The following CPS1 variants were observed in gnomAD, a reference collection of about 807,000 sequenced individuals.
The protein encoded by CPS1 is carbamoyl-phosphate synthase 1.
In CPS1, 109 loss-of-function variants were observed where a neutral mutation model predicts 174.6. The observed-to-expected ratio is 0.62, with a 90% CI of 0.53 to 0.73. The LOEUF is 0.73. Among genes scored for constraint, CPS1 ranks in the 30% least tolerant of loss-of-function variants. The pLI is 0.00. For missense variants in CPS1, 1,689 were observed against 1,821.9 expected (o/e 0.93, Z 1.33); for synonymous variants, 637 against 632.0 (o/e 1.01, Z -0.12).
chr2:210,564,727 T>C (rs550979567), intron 1 of CPS1, among the ~76,000 whole-genome samples: 1 of 146,436 alleles, frequency 6.8e-6, no homozygotes, highest in Non-Finnish European at 1.5e-5. Flanking sequence ...ACTTGGTGGC[T>C]CACACCTGTA....
chr2:210,517,248 G>A (rs763245913), intron 1 of CPS1, among the ~76,000 whole-genome samples: 2 of 151,856 alleles, frequency 1.3e-5, no homozygotes, highest in Non-Finnish European at 1.5e-5. Context: ...GCAGTTAAAC[G>A]TTTAGTTGTA....
intron 2 of CPS1, among the ~76,000 whole-genome samples, chr2:210,574,639 C>G (rs1351100715): frequency 6.6e-6 from 1 of 152,026 alleles, no homozygotes; most frequent in Non-Finnish European, 1.5e-5. Context: ...TATAGATCAG[C>G]ATGATGGAGG....
rs144506682 is a variant in CPS1, at chr2:210,664,257, A to G, written c.4002+1060A>G. 8.5e-4 allele frequency among the ~76,000 whole-genome samples: 129 copies of G among 152,224 alleles called. No homozygotes were observed. In the East Asian group the frequency reaches 0.023, roughly 27 times the overall value. On this transcript the variant is annotated intron_variant, in intron 33 of 37. Transcript: ENST00000233072. Reference sequence around the variant, plus strand: ...TCTTCTTGATCCCATGGTCGCTACTACTAGTAATGCTGATTTTAGATGGCC... The same window carrying G: ...TCTTCTTGATCCCATGGTCGCTACTGCTAGTAATGCTGATTTTAGATGGCC...
chr2:210,578,990 A>C (rs796872289), intron 4 of CPS1, among the ~76,000 whole-genome samples: 1 of 152,180 alleles, frequency 6.6e-6, no homozygotes, highest in Non-Finnish European at 1.5e-5. Flanking sequence ...CATGTAGAGT[A>C]GAAAAGAATC....
intron 1 of CPS1, among the ~76,000 whole-genome samples, chr2:210,532,686 G>A (rs62203712): frequency 0.1 from 15,505 of 151,922 alleles, 964 homozygotes; most frequent in East Asian, 0.24. Context: ...CACTAGTTTC[G>A]AAAACATTGG....
At position 210,568,418 on chromosome 2, in the gene CPS1, A is replaced by G. The variant is rs1296895792; in HGVS notation, c.127-4880A>G. Among the ~76,000 whole-genome samples, 4 of 152,242 alleles carry G rather than the reference A, an allele frequency of 2.6e-5. No individual in the cohort carries two copies. The East Asian group carries it at 7.7e-4, about 29-fold the overall frequency. On this transcript the variant is annotated intron_variant, in intron 1 of 37. Transcript: ENST00000233072. ...CTTAACTATATTTCATAGGACAGGT[A>G]GAAGTAAGGAGAGACTGGAGGCAGG...
chr2:210,661,037 T>C (rs1360851849), intron 32 of CPS1, among the ~76,000 whole-genome samples: 1 of 152,190 alleles, frequency 6.6e-6, no homozygotes, highest in African/African-American at 2.4e-5. Context: ...GGTTAGCCTG[T>C]GGGGTTGATT....
intron 1 of CPS1, among the ~76,000 whole-genome samples, chr2:210,503,701 C>T (rs1398227102): frequency 6.6e-6 from 1 of 152,138 alleles, no homozygotes; most frequent in African/African-American, 2.4e-5. Context: ...TGAACACATT[C>T]AGGTTACAAT....
intron 33 of CPS1, among the ~76,000 whole-genome samples, chr2:210,664,500 C>T (rs142220703): frequency 0.025 from 3,859 of 151,986 alleles, 88 homozygotes; most frequent in Admixed American, 0.045. Context: ...CCACCACGCC[C>T]GGCTAATTTT....
upstream of CPS1, chr2:210,555,583 G>C (rs1696887386): frequency 3.3e-5 from 15 of 454,814 alleles, no homozygotes; most frequent in South Asian, 2.2e-4. Flanking sequence ...CTCTAGCACT[G>C]ATTCTATGTT....
intron 32 of CPS1, 135 bp from the exon 33 acceptor site, chr2:210,662,988 A>G (rs1416924003): frequency 3.5e-6 from 3 of 854,736 alleles, no homozygotes; most frequent in Middle Eastern, 2.4e-4. Flanking sequence ...CTTGGACCCA[A>G]GAGATTTTTT....
At chr2:210,530,063 T>TGGTA (rs1424460473) in intron 1 of CPS1, among the ~76,000 whole-genome samples, 2 of 152,042 alleles carry the variant, frequency 1.3e-5, no homozygotes, top group Non-Finnish European at 2.9e-5. Flanking sequence ...TATAATATCT[T>TGGTA]GGTAAGGGTT....
chr2:210,629,996 C>G (rs1046943590), intron 21 of CPS1, among the ~76,000 whole-genome samples: 1 of 151,368 alleles, frequency 6.6e-6, no homozygotes, highest in Non-Finnish European at 1.5e-5. Flanking sequence ...TGGTGTGAAC[C>G]TGGGAGGCGG....
intron 29 of CPS1, among the ~76,000 whole-genome samples, chr2:210,654,697 T>C (rs1438120579): frequency 6.6e-6 from 1 of 152,222 alleles, no homozygotes. Flanking sequence ...ATTTGTGACT[T>C]CTCTTAAAAT....
intron 1 of CPS1, among the ~76,000 whole-genome samples, chr2:210,493,381 T>C (rs1050465773): frequency 6.6e-6 from 1 of 152,228 alleles, no homozygotes; most frequent in Non-Finnish European, 1.5e-5. Context: ...TATAAAGTAA[T>C]ACAATTTTTC....
At chr2:210,554,192 CAT>C (rs35834191), upstream of CPS1, among the ~76,000 whole-genome samples, 19,969 of 127,248 alleles carry the variant, frequency 0.16, 2,853 homozygotes, top group Admixed American at 0.25. Context: ...TACACACACA[CAT>C]ATATATATGT....
chr2:210,550,346 G>A (rs1335558978), intron 1 of CPS1, among the ~76,000 whole-genome samples: 1 of 151,864 alleles, frequency 6.6e-6, no homozygotes, highest in African/African-American at 2.4e-5. Context: ...TTCATTCCAT[G>A]CTGTTGCCCC....
At chr2:210,606,479 A>G (rs752163948) in intron 17 of CPS1, among the ~76,000 whole-genome samples, 5 of 151,918 alleles carry the variant, frequency 3.3e-5, no homozygotes, top group Admixed American at 1.3e-4. Flanking sequence ...TCAATCTAGT[A>G]AGTAGACGAT....
Position 210,606,816 on chromosome 2 carries a change from C to T in CPS1, c.2067C>T (p.Arg689=). ...GACGTACTTCAATCAATGTTGTTCG[C>T]CACTTGGGCATTGTGGGTGAATGCA... The part of the protein sequence containing the change: ...MLRRTSINVV[R]HLGIVGECNI... Residue 689 remains arginine, a synonymous_variant, in exon 18 of 38, where the codon CGC becomes CGT. Transcript: ENST00000233072. The T allele has an allele frequency of 6.2e-7, 1 of 1,612,648 alleles. No homozygotes were observed. The highest frequency in any genetic ancestry group is 8.5e-7 in the Non-Finnish European group (1 of 1,179,126).
Sources: allele counts gnomAD v4.1 joint callset (sites outside exome capture counted in the v4.1 genomes callset), GRCh38; gene constraint gnomAD v4.1.1; transcripts MANE v1.5; gene names NCBI Gene and HGNC (gene_info 2026-07-23, HGNC 2026-07-21).